NEGR1: variants seen among roughly 807,000 people sequenced by gnomAD.
NEGR1 encodes the protein IgLON family member 4.
A neutral mutation model predicts 40.9 loss-of-function variants in NEGR1; 10 were observed. The ratio of observed to expected loss-of-function variants is 0.24; its 90% confidence interval spans 0.15 to 0.42. The LOEUF is 0.42. Ranked by LOEUF, NEGR1 falls within the 10% of genes least tolerant of loss-of-function variation. The pLI, the probability that NEGR1 is intolerant of heterozygous loss-of-function variation, is 1.00. For missense variants in NEGR1, 352 were observed against 438.9 expected, an observed-to-expected ratio of 0.80 and a Z score of 1.77; for synonymous variants, 185 against 166.8, an observed-to-expected ratio of 1.11 and a Z score of -0.84.
chr1:71,797,107 C>T (rs1163700806), intron 2 of NEGR1, among the ~76,000 whole-genome samples: 1 of 152,098 alleles, frequency 6.6e-6, no homozygotes, highest in Non-Finnish European at 1.5e-5. Flanking sequence ...CAAAGGAGAG[C>T]AGGAAATATT....
intron 1 of NEGR1, among the ~76,000 whole-genome samples, chr1:72,066,518 T>C (rs895667340): frequency 2.0e-5 from 3 of 152,092 alleles, no homozygotes; most frequent in African/African-American, 2.4e-5. Flanking sequence ...TGACCCTCAA[T>C]GTGACTTTAT....
At chr1:72,238,531 A>G (rs1046565985) in intron 1 of NEGR1, among the ~76,000 whole-genome samples, 2 of 151,806 alleles carry the variant, frequency 1.3e-5, no homozygotes, top group African/African-American at 4.8e-5. Flanking sequence ...CACTGCTCTA[A>G]TAGTCATTAA....
At chr1:72,200,969 C>T (rs1653184157) in intron 1 of NEGR1, among the ~76,000 whole-genome samples, 1 of 151,724 alleles carries the variant, frequency 6.6e-6, no homozygotes, top group African/African-American at 2.4e-5. Flanking sequence ...AAATCATGTA[C>T]TATTAGTGAT....
chr1:71,681,920 G>A (rs2101611140), intron 4 of NEGR1, among the ~76,000 whole-genome samples: 1 of 152,282 alleles, frequency 6.6e-6, no homozygotes, highest in Middle Eastern at 3.4e-3. Context: ...TTCACCTCCA[G>A]GGTTCAAGCG....
At chr1:71,673,911 A>G (rs2101602706) in intron 4 of NEGR1, among the ~76,000 whole-genome samples, 1 of 152,254 alleles carries the variant, frequency 6.6e-6, no homozygotes, top group East Asian at 1.9e-4. Context: ...AATTACAGAG[A>G]AATTTAGAGG....
intron 1 of NEGR1, among the ~76,000 whole-genome samples, chr1:72,048,565 G>A (rs1229996110): frequency 2.0e-5 from 3 of 151,436 alleles, no homozygotes; most frequent in South Asian, 2.1e-4. Flanking sequence ...TTGATAAATC[G>A]GGTGGAATAG....
intron 6 of NEGR1, among the ~76,000 whole-genome samples, chr1:71,505,560 C>T (rs563757114): frequency 3.9e-4 from 59 of 152,288 alleles, no homozygotes; most frequent in East Asian, 3.1e-3. Context: ...GGATTACAGG[C>T]GTGAGCCACC....
intron 6 of NEGR1, among the ~76,000 whole-genome samples, chr1:71,446,937 T>A (rs1646586623): frequency 1.3e-5 from 2 of 152,148 alleles, no homozygotes; most frequent in African/African-American, 4.8e-5. Flanking sequence ...TACAATATTA[T>A]GTTTGTGAAA....
At chr1:71,672,887 C>T (rs1010445996) in intron 4 of NEGR1, among the ~76,000 whole-genome samples, 1 of 152,090 alleles carries the variant, frequency 6.6e-6, no homozygotes, top group Admixed American at 6.6e-5. Flanking sequence ...CACCTAACGG[C>T]TTGGCGGGAT....
At chr1:71,489,250 C>T (rs1557543619) in intron 6 of NEGR1, among the ~76,000 whole-genome samples, 1 of 151,580 alleles carries the variant, frequency 6.6e-6, no homozygotes. Context: ...TTTAAATCTC[C>T]CAGGTAGATT....
chr1:72,077,662 A>AAATC (rs1227246522), intron 1 of NEGR1, among the ~76,000 whole-genome samples: 2 of 151,600 alleles, frequency 1.3e-5, no homozygotes, highest in Non-Finnish European at 2.9e-5. Flanking sequence ...ATAAATAAAT[A>AAATC]AATAGGCCGG....
At chr1:71,426,173 G>T (rs899957177) in intron 6 of NEGR1, among the ~76,000 whole-genome samples, 15 of 152,080 alleles carry the variant, frequency 9.9e-5, no homozygotes, top group African/African-American at 3.6e-4. Flanking sequence ...TCCCCTTAAA[G>T]AACACTTTTT....
intron 2 of NEGR1, among the ~76,000 whole-genome samples, chr1:71,934,507 T>G (rs1039212033): frequency 4.6e-5 from 7 of 152,152 alleles, no homozygotes; most frequent in African/African-American, 1.7e-4. Context: ...TGAATCAAAG[T>G]AAACAGAGGT....
chr1:71,834,909 A>ACACACACACACACACACACACACACAGC (rs1553168608), intron 2 of NEGR1, among the ~76,000 whole-genome samples: 1 of 151,748 alleles, frequency 6.6e-6, no homozygotes, highest in African/African-American at 2.4e-5. Flanking sequence ...ACACACACAC[A>ACACACACACACACACACACACACACAGC]GCAGTTATCT....
At chr1:71,543,190 A>T (rs557421808) in intron 6 of NEGR1, among the ~76,000 whole-genome samples, 11 of 151,798 alleles carry the variant, frequency 7.2e-5, no homozygotes, top group African/African-American at 2.7e-4. Context: ...ACACATACAC[A>T]ATTGCAAATA....
chr1:71,626,904 A>C (rs1489614281), intron 4 of NEGR1, among the ~76,000 whole-genome samples: 1 of 152,212 alleles, frequency 6.6e-6, no homozygotes, highest in Non-Finnish European at 1.5e-5. Context: ...AATGCTCATC[A>C]TCACTGGCCA....
intron 1 of NEGR1, among the ~76,000 whole-genome samples, chr1:72,263,874 A>G (rs1371971256): frequency 6.6e-6 from 1 of 151,522 alleles, no homozygotes; most frequent in East Asian, 1.9e-4. Context: ...TTTTCAATAT[A>G]TCATACTTTC....
At chr1:71,711,747 C>T (rs537346784) in intron 3 of NEGR1, among the ~76,000 whole-genome samples, 54 of 152,180 alleles carry the variant, frequency 3.5e-4, no homozygotes, top group Non-Finnish European at 7.8e-4. Context: ...TCCTTCAATG[C>T]ATGAAAGATT....
At chr1:71,448,470 A>G (rs1031159698) in intron 6 of NEGR1, among the ~76,000 whole-genome samples, 1 of 152,072 alleles carries the variant, frequency 6.6e-6, no homozygotes, top group South Asian at 2.1e-4. Context: ...ATGGTGGCAT[A>G]CGCCTGTAGT....
Sources: gnomAD v4.1 joint callset for allele counts (sites outside exome capture counted in the v4.1 genomes callset) on GRCh38, gnomAD v4.1.1 for gene constraint, MANE v1.5 for transcripts, NCBI Gene and HGNC (gene_info 2026-07-23, HGNC 2026-07-21) for gene names.